The following TTC39B variants were observed in gnomAD, a reference collection of about 807,000 sequenced individuals.
TTC39B encodes the protein tetratricopeptide repeat protein 39B.
TTC39B carries 92 observed loss-of-function variants against 96.6 expected under a neutral mutation model. The observed-to-expected ratio is 0.95, with a 90% CI of 0.80 to 1.13. The LOEUF (loss-of-function observed/expected upper bound fraction) is 1.13, where lower values mean the gene tolerates loss of function less well. Among genes scored for constraint, TTC39B ranks in the 50% most tolerant of loss-of-function variants. The probability of loss-of-function intolerance (pLI) is 0.00; values close to 1 mark genes in which losing one functional copy is unlikely to be tolerated. For missense variants in TTC39B, 955 were observed against 809.3 expected (o/e 1.18, Z -2.18); for synonymous variants, 367 against 299.4 (o/e 1.23, Z -2.33).
chr9:15,210,714 A>G lies in TTC39B; in HGVS notation c.615-550T>C, dbSNP rs1370942321. 2.6e-5 allele frequency among the ~76,000 whole-genome samples: 4 copies of G among 152,266 alleles called. No individual in the cohort carries two copies. The East Asian group carries it at 5.8e-4, about 22-fold the overall frequency. ...ATTCCTGGATTCTTGAATATTCCTA[A>G]ATGTCCACAAACCAAGCATCTTCCA... is the stretch of plus-strand genomic sequence containing the variant. On this transcript the variant is annotated intron_variant, in intron 5 of 19. Transcript: ENST00000512701.
In TTC39B at chr9:15,210,099, T is replaced by C. The variant is rs900236837; in HGVS notation, c.680A>G (p.Gln227Arg). Reference sequence around the variant, plus strand: ...TAAATGACTTTTACCTTCACTCAGTTGCTCCAGGGATCCTCTAGAAAGAAG... The same window carrying C: ...TAAATGACTTTTACCTTCACTCAGTCGCTCCAGGGATCCTCTAGAAAGAAG... Residue 227 changes from glutamine to arginine, a missense_variant, in exon 6 of 20, where the codon CAA (glutamine) becomes CGA (arginine). By Grantham distance (43) the Gln-to-Arg change is conservative. Transcript: ENST00000512701. The C allele has an allele frequency of 3.7e-6, 6 of 1,605,088 alleles. No homozygotes were observed. In the Middle Eastern group the frequency reaches 5.1e-4, roughly 136 times the overall value.
intron 3 of TTC39B, among the ~76,000 whole-genome samples, chr9:15,218,632 T>TAAAAAAAAAAAAATATATATA (rs545882970): frequency 1.4e-4 from 15 of 105,152 alleles, no homozygotes; most frequent in African/African-American, 4.6e-4. Flanking sequence ...TTAGTCTATT[T>TAAAAAAAAAAAAATATATATA]TAAATATATA....
exon 20 of TTC39B, chr9:15,169,905 T>C (rs1040922899): frequency 2.6e-4 from 40 of 152,292 alleles, no homozygotes; most frequent in African/African-American, 9.4e-4. Context: ...GTTACTGACT[T>C]GCAGCACTGA....
At chr9:15,301,418 T>G (rs569745059) in intron 1 of TTC39B, among the ~76,000 whole-genome samples, 1 of 152,218 alleles carries the variant, frequency 6.6e-6, no homozygotes, top group Non-Finnish European at 1.5e-5. Flanking sequence ...ATTTAAAGAC[T>G]GTTAGGACCT....
Position 15,218,951 on chromosome 9 carries a change from A to T in TTC39B, c.372-4702T>A, listed in dbSNP as rs189444392. 3.7e-3 allele frequency among the ~76,000 whole-genome samples: 561 copies of T among 152,172 alleles called. 2 individuals carry two copies. The highest frequency in any genetic ancestry group is 5.9e-3 in the Admixed American group (90 of 15,260). ...GAGGTTTTGTCTCTTTCCTCTAGCA[A>T]TCATAATTTTTACTCGCTTATGTTA... On this transcript the variant is annotated intron_variant, in intron 3 of 19. Transcript: ENST00000512701.
chr9:15,192,805 A>C, intron 8 of TTC39B, 110 bp from the exon 9 acceptor site: 1 of 716,470 alleles, frequency 1.4e-6, no homozygotes, highest in East Asian at 2.7e-5. Flanking sequence ...TAATTAAAAT[A>C]CCATCAAAAT....
intron 1 of TTC39B, among the ~76,000 whole-genome samples, chr9:15,295,349 G>T (rs1330561490): frequency 6.6e-6 from 1 of 152,140 alleles, no homozygotes; most frequent in South Asian, 2.1e-4. Flanking sequence ...GGCAGGAGGT[G>T]GGCAGGCTGC....
chr9:15,228,399 G>A (rs544851990), intron 2 of TTC39B, among the ~76,000 whole-genome samples: 3 of 152,166 alleles, frequency 2.0e-5, no homozygotes, highest in Non-Finnish European at 4.4e-5. Context: ...GGGAGGCGGA[G>A]GTTGCAGTGA....
rs545049441 is a variant in TTC39B, at chr9:15,278,607, C to T, written c.241-10659G>A. Among the ~76,000 whole-genome samples, 86 of 152,202 alleles carry T rather than the reference C, an allele frequency of 5.7e-4. 1 individual carries two copies. The highest frequency in any genetic ancestry group is 1.8e-3 in the African/African-American group (75 of 41,554). On this transcript the variant is annotated intron_variant, in intron 1 of 19. Coordinates refer to ENST00000512701, the Ensembl canonical transcript of TTC39B. The stretch of plus-strand genomic sequence containing the variant: ...CAATTTTACCCAAAACAAACAAAAA[C>T]AAACAAAACCAAGAGACTGACTTTT...
rs1481934196 is a variant in TTC39B, at chr9:15,214,872, G to C, written c.372-623C>G. ...ATTGACAGAGATTTTGTTCTTTAAA[G>C]CCATCTCTAAAATGTTTTGTGTAAC... On this transcript the variant is annotated intron_variant, in intron 3 of 19. Transcript: ENST00000512701. Among the ~76,000 whole-genome samples the C allele has an allele frequency of 4.6e-5, 7 of 152,174 alleles. No individual in the cohort carries two copies. In the East Asian group the frequency reaches 1.3e-3, roughly 29 times the overall value.
chr9:15,192,668 A>G, exon 9 of TTC39B: 1 of 1,614,070 alleles, frequency 6.2e-7, no homozygotes, highest in Non-Finnish European at 8.5e-7. Flanking sequence ...TGTTCTTCTG[A>G]ATTTCATGCA....
intron 7 of TTC39B, among the ~76,000 whole-genome samples, chr9:15,202,078 C>T (rs980908210): frequency 6.6e-6 from 1 of 152,118 alleles, no homozygotes; most frequent in Non-Finnish European, 1.5e-5. Flanking sequence ...CTTTAAAAGG[C>T]TAAAGCAGCA....
intron 1 of TTC39B, among the ~76,000 whole-genome samples, chr9:15,299,465 C>T (rs545366293): frequency 9.5e-4 from 144 of 152,042 alleles, no homozygotes; most frequent in Non-Finnish European, 1.7e-3. Context: ...AGCAACTGGC[C>T]GCGGTGGCTC....
At chr9:15,262,362 G>T (rs1433796206) in intron 2 of TTC39B, among the ~76,000 whole-genome samples, 1 of 152,174 alleles carries the variant, frequency 6.6e-6, no homozygotes, top group Non-Finnish European at 1.5e-5. Flanking sequence ...GCCTCCCAAA[G>T]TGCTGGGATT....
rs534997268 is a variant in TTC39B, at chr9:15,220,938, T to C, written c.371+4979A>G. On this transcript the variant is annotated intron_variant, in intron 3 of 19. Coordinates refer to ENST00000512701, the Ensembl canonical transcript of TTC39B. ...GAAGCTAAGCAAGGTCGAGCCTGGT[T>C]AGTACTTGGACAAGAGACATTTTGG... Among the ~76,000 whole-genome samples the C allele has an allele frequency of 2.6e-5, 4 of 152,322 alleles. No homozygotes were observed. In the East Asian group the frequency reaches 7.7e-4, roughly 29 times the overall value.
exon 17 of TTC39B, chr9:15,182,317 T>G (rs779421520): frequency 6.2e-7 from 1 of 1,609,170 alleles, no homozygotes; most frequent in South Asian, 1.1e-5. Context: ...TTTGACTTTG[T>G]AAAGCTGCCT....
chr9:15,237,348 G>A (rs1821831437), intron 2 of TTC39B, among the ~76,000 whole-genome samples: 1 of 152,020 alleles, frequency 6.6e-6, no homozygotes, highest in African/African-American at 2.4e-5. Context: ...CGAAAAGTCG[G>A]TTCTTCAAAA....
chr9:15,237,146 C>G (rs886067999), intron 2 of TTC39B, among the ~76,000 whole-genome samples: 25 of 152,160 alleles, frequency 1.6e-4, no homozygotes, highest in African/African-American at 5.8e-4. Context: ...GAAACGTCAT[C>G]TCCATTAAAA....
At chr9:15,280,063 T>C (rs1458229766) in intron 1 of TTC39B, among the ~76,000 whole-genome samples, 2 of 151,890 alleles carry the variant, frequency 1.3e-5, no homozygotes, top group Non-Finnish European at 2.9e-5. Context: ...ACCCGGCTAA[T>C]TTTTTTGTAT....
Sources: allele counts gnomAD v4.1 joint callset (sites outside exome capture counted in the v4.1 genomes callset), GRCh38; gene constraint gnomAD v4.1.1; transcripts MANE v1.5; gene names NCBI Gene and HGNC (gene_info 2026-07-23, HGNC 2026-07-21).